The following CC2D2B variants were observed in gnomAD, a reference collection of about 807,000 sequenced individuals.
The protein encoded by CC2D2B is coiled-coil and C2 domain containing 2B, also known as protein CC2D2B.
Under a neutral mutation model 161.2 loss-of-function variants are expected in CC2D2B, and 128 were observed. The ratio of observed to expected loss-of-function variants is 0.79; its 90% CI spans 0.69 to 0.92. The LOEUF is 0.92. Ranked by LOEUF, CC2D2B falls within the 40% of genes least tolerant of loss-of-function variation. The probability of loss-of-function intolerance (pLI) is 0.00; values close to 1 mark genes in which losing one functional copy is unlikely to be tolerated. For synonymous variants in CC2D2B, 391 were observed against 449.8 expected (o/e 0.87, Z 1.65); for missense variants, 1,173 against 1,375.1 (o/e 0.85, Z 2.32).
At chr10:95,997,721 C>A (rs1200011222) in intron 24 of CC2D2B, among the ~76,000 whole-genome samples, 2 of 152,194 alleles carry the variant, frequency 1.3e-5, no homozygotes, top group African/African-American at 4.8e-5. Flanking sequence ...AAGCCCACTT[C>A]TGTAGTTTCT....
rs1208459920 is a variant in CC2D2B at position 95,993,950 on chromosome 10, GTGTATATATATATATA to G, written c.2642+1255_2642+1270del. Among the ~76,000 whole-genome samples the G allele has an allele frequency of 2.1e-3, 29 of 13,720 alleles. 1 individual carries two copies. Among genetic ancestry groups the G allele is most frequent in the African/African-American group, 2.9e-3 (11 of 3,766 alleles). 9.0% of individuals were successfully genotyped at this position (13,720 alleles called of 152,430 possible). On this transcript the variant is annotated intron_variant, in intron 22 of 34. Coordinates refer to ENST00000646931, the MANE Select transcript of CC2D2B (RefSeq NM_001349008.3). ...TGTGTGTGTGTGTGTGTGTATGTAT[GTGTATATATATATATA>G]TATATATATATATATATATATATAT... is the stretch of plus-strand genomic sequence containing the variant.
In CC2D2B at chr10:95,989,226, G is replaced by T. The variant is rs1347705562; in HGVS notation, c.2379+884G>T. The stretch of plus-strand genomic sequence containing the variant: ...TCTGAAGACCTGTTCTTACTACCCT[G>T]TGTGTCACTGGCAAGTAACCAAATC... On this transcript the variant is annotated intron_variant, in intron 20 of 34. Transcript: ENST00000646931. Among the ~76,000 whole-genome samples, 15 of 152,206 alleles carry T rather than the reference G, an allele frequency of 9.9e-5. 1 individual carries two copies. Among genetic ancestry groups the T allele is most frequent in the Admixed American group, 9.8e-4 (15 of 15,282 alleles).
At chr10:95,996,608 C>G (rs2078239427) in intron 24 of CC2D2B, among the ~76,000 whole-genome samples, 1 of 152,204 alleles carries the variant, frequency 6.6e-6, no homozygotes, top group South Asian at 2.1e-4. Context: ...TTGTGTTTAT[C>G]ATTCTTTCTC....
At chr10:96,029,288 A>ATATATATATATATATATATATG (rs1564689326) in intron 34 of CC2D2B, among the ~76,000 whole-genome samples, 1 of 74,484 alleles carries the variant, frequency 1.3e-5, no homozygotes, top group African/African-American at 6.0e-5. Flanking sequence ...ATATATATGT[A>ATATATATATATATATATATATG]TATATATATA....
chr10:95,962,688 G>C (rs1466707570), intron 12 of CC2D2B, among the ~76,000 whole-genome samples: 2 of 151,040 alleles, frequency 1.3e-5, no homozygotes, highest in South Asian at 2.1e-4. Flanking sequence ...GTTTTCAAAA[G>C]TATGAAAGGT....
intron 22 of CC2D2B, among the ~76,000 whole-genome samples, chr10:95,994,606 G>A (rs1199482793): frequency 1.3e-5 from 2 of 152,118 alleles, no homozygotes; most frequent in African/African-American, 2.4e-5. Context: ...GCTAAGTAAC[G>A]AGTGCCTTCC....
At chr10:96,009,426 G>T (rs868595070) in intron 25 of CC2D2B, among the ~76,000 whole-genome samples, 1 of 151,952 alleles carries the variant, frequency 6.6e-6, no homozygotes, top group Non-Finnish European at 1.5e-5. Flanking sequence ...ATAATTGTTT[G>T]TTTTCTTAAC....
rs528355015 is a variant in CC2D2B at position 95,968,614 on chromosome 10, G to A, written c.1467-110G>A. On this transcript the variant is annotated intron_variant, in intron 14 of 34. Transcript: ENST00000646931. Reference sequence around the variant, plus strand: ...GTTATTTGATGTAAAGATAACATTTGTCCTCTGAAATTATCTTCTGTTTAA... The same window carrying A: ...GTTATTTGATGTAAAGATAACATTTATCCTCTGAAATTATCTTCTGTTTAA... The A allele has an allele frequency of 7.0e-6, 3 of 426,452 alleles. No individual in the cohort carries two copies. In the South Asian group the frequency reaches 3.9e-4, roughly 56 times the overall value. 26.4% of individuals were successfully genotyped at this position (426,452 alleles called of 1,614,324 possible).
intron 6 of CC2D2B, among the ~76,000 whole-genome samples, chr10:95,933,976 C>G (rs1018666345): frequency 6.6e-6 from 1 of 152,210 alleles, no homozygotes; most frequent in Non-Finnish European, 1.5e-5. Flanking sequence ...TGAAGCTGTG[C>G]CCACAGCCGC....
intron 2 of CC2D2B, 59 bp from the exon 3 acceptor site, chr10:95,921,957 T>TAAC: frequency 1.1e-6 from 1 of 897,352 alleles, no homozygotes; most frequent in Non-Finnish European, 1.7e-6. Context: ...ATAATAATAA[T>TAAC]AAAAGATGTT....
At chr10:96,016,751 G>A (rs569627419) in intron 30 of CC2D2B, among the ~76,000 whole-genome samples, 6 of 152,098 alleles carry the variant, frequency 3.9e-5, no homozygotes, top group East Asian at 3.9e-4. Flanking sequence ...ATGGAGTTTC[G>A]CTCTTGCTGC....
chr10:95,965,086 A>G (rs2076893748), intron 12 of CC2D2B, among the ~76,000 whole-genome samples: 1 of 152,146 alleles, frequency 6.6e-6, no homozygotes, highest in African/African-American at 2.4e-5. Flanking sequence ...TACATTCCCA[A>G]CAGAGCATGT....
intron 2 of CC2D2B, among the ~76,000 whole-genome samples, chr10:95,916,331 T>C (rs949747566): frequency 1.3e-5 from 2 of 152,146 alleles, no homozygotes; most frequent in African/African-American, 4.8e-5. Flanking sequence ...GTCAATTTTG[T>C]TTAACTTTTC....
At chr10:95,962,115 CATAT>C (rs57738249) in intron 12 of CC2D2B, 146 bp downstream of exon 12, 3,762 of 301,260 alleles carry the variant, frequency 0.012, no homozygotes, top group Middle Eastern at 0.022. Flanking sequence ...AATACATAAA[CATAT>C]ATATATATAT....
At chr10:95,971,987 ATGT>A (rs1247200067) in intron 15 of CC2D2B, 76 bp from the exon 16 acceptor site, 1 of 670,420 alleles carries the variant, frequency 1.5e-6, no homozygotes, top group Admixed American at 4.4e-5. Flanking sequence ...AAAAAAATAT[ATGT>A]TGTTAAGGGT....
At chr10:95,943,965 G>T (rs1425608220) in intron 9 of CC2D2B, among the ~76,000 whole-genome samples, 1 of 152,028 alleles carries the variant, frequency 6.6e-6, no homozygotes, top group Non-Finnish European at 1.5e-5. Context: ...TTTTGTTGAG[G>T]CTCATTCTGT....
At chr10:95,956,444 C>T (rs1390406458) in intron 11 of CC2D2B, among the ~76,000 whole-genome samples, 1 of 151,682 alleles carries the variant, frequency 6.6e-6, no homozygotes, top group African/African-American at 2.4e-5. Context: ...GATCTACAAA[C>T]AAGATATAGT....
intron 22 of CC2D2B, 168 bp downstream of exon 22, chr10:95,992,865 C>A: frequency 2.4e-6 from 1 of 424,324 alleles, no homozygotes; most frequent in Non-Finnish European, 4.0e-6. Flanking sequence ...CTGTCAATGC[C>A]ATGTATTAAG....
intron 18 of CC2D2B, among the ~76,000 whole-genome samples, chr10:95,983,308 A>G (rs1352944348): frequency 1.3e-5 from 2 of 152,154 alleles, no homozygotes; most frequent in Non-Finnish European, 2.9e-5. Flanking sequence ...TCCTCTCTCA[A>G]CTCAGGATGA....
Sources: gnomAD v4.1 joint callset for allele counts (sites outside exome capture counted in the v4.1 genomes callset) on GRCh38, gnomAD v4.1.1 for gene constraint, MANE v1.5 for transcripts, NCBI Gene and HGNC (gene_info 2026-07-23, HGNC 2026-07-21) for gene names.